THSD7B: variants seen among roughly 807,000 people sequenced by gnomAD.
THSD7B encodes the protein thrombospondin type-1 domain-containing protein 7B.
A neutral mutation model predicts 213.6 loss-of-function variants in THSD7B; 138 were observed. The ratio of observed to expected loss-of-function variants is 0.65; its 90% CI spans 0.56 to 0.74. The LOEUF is 0.74. Ranked by LOEUF, THSD7B falls within the 30% of genes least tolerant of loss-of-function variation. The pLI is 0.00. For missense variants in THSD7B, 1,931 were observed against 1,991.5 expected (o/e 0.97, Z 0.58); for synonymous variants, 742 against 687.0 (o/e 1.08, Z -1.25).
chr2:137,143,902 T>C (rs2104967177), intron 5 of THSD7B, among the ~76,000 whole-genome samples: 1 of 152,258 alleles, frequency 6.6e-6, no homozygotes, highest in African/African-American at 2.4e-5. Context: ...GATTTGTACA[T>C]ATTTCTGATG....
At chr2:137,421,658 T>C (rs1365077697) in intron 14 of THSD7B, among the ~76,000 whole-genome samples, 1 of 152,180 alleles carries the variant, frequency 6.6e-6, no homozygotes, top group Non-Finnish European at 1.5e-5. Flanking sequence ...GAAGTCAGCA[T>C]TCCTTCCACA....
At chr2:137,366,404 A>AG (rs1164950886) in intron 12 of THSD7B, among the ~76,000 whole-genome samples, 1 of 152,080 alleles carries the variant, frequency 6.6e-6, no homozygotes, top group East Asian at 1.9e-4. Context: ...AAAAAAAAAA[A>AG]GAATTTTAAG....
chr2:137,577,368 G>T (rs1681485727), intron 17 of THSD7B, among the ~76,000 whole-genome samples: 1 of 151,994 alleles, frequency 6.6e-6, no homozygotes, highest in Admixed American at 6.6e-5. Context: ...TCAAGTTTTT[G>T]ATATTTAATA....
At chr2:137,295,042 A>AT (rs989831693) in intron 12 of THSD7B, among the ~76,000 whole-genome samples, 4 of 151,918 alleles carry the variant, frequency 2.6e-5, no homozygotes, top group African/African-American at 7.3e-5. Context: ...TTCATGTTTC[A>AT]TTTTTTTCTC....
chr2:137,056,563 C>T lies in THSD7B; in HGVS notation c.283C>T (p.Arg95Ter), dbSNP rs559433755. The change falls in exon 3 of 28, where the codon CGA becomes TGA. Residue 95 changes from arginine to a stop codon, truncating the protein, a stop_gained. Coordinates refer to ENST00000409968, the MANE Select transcript of THSD7B (RefSeq NM_001316349.2). LOFTEE classifies it high-confidence loss of function. ...GCCTCCAAAGGAAAGAAGTTGTTTCCGAGTTTGTGACTGGCACAGTGACCT... is the reference window on the plus strand; with the variant it reads ...GCCTCCAAAGGAAAGAAGTTGTTTCTGAGTTTGTGACTGGCACAGTGACCT... ...NRPPKERSCF[R>*]VCDWHSDLFQ... 1.9e-6 allele frequency: 3 copies of T among 1,613,834 alleles called. No individual in the cohort carries two copies. The highest frequency in any genetic ancestry group is 1.3e-5 in the African/African-American group (1 of 74,990).
intron 17 of THSD7B, among the ~76,000 whole-genome samples, chr2:137,610,621 A>G (rs1207080816): frequency 1.3e-5 from 2 of 152,156 alleles, no homozygotes; most frequent in Admixed American, 6.6e-5. Flanking sequence ...TGACTCAGAC[A>G]CTAGCTTTTG....
intron 17 of THSD7B, among the ~76,000 whole-genome samples, chr2:137,588,185 G>T (rs894973220): frequency 2.6e-5 from 4 of 152,168 alleles, no homozygotes; most frequent in Non-Finnish European, 4.4e-5. Context: ...CATTGAAAAA[G>T]TGCAATATTA....
intron 1 of THSD7B, among the ~76,000 whole-genome samples, chr2:136,873,632 C>A (rs930051395): frequency 3.9e-5 from 6 of 152,150 alleles, no homozygotes; most frequent in Admixed American, 3.9e-4. Flanking sequence ...TGCTGCAGGG[C>A]AGGATTGCAT....
intron 2 of THSD7B, among the ~76,000 whole-genome samples, chr2:136,954,637 A>G (rs1685093590): frequency 7.0e-6 from 1 of 142,558 alleles, no homozygotes; most frequent in Non-Finnish European, 1.5e-5. Context: ...AATGGTGTGA[A>G]CCCCGGGGAG....
chr2:136,903,970 GTGTTTGTT>G (rs70975725), intron 2 of THSD7B, among the ~76,000 whole-genome samples: 2,998 of 38,214 alleles, frequency 0.078, 79 homozygotes, highest in Middle Eastern at 0.13. Context: ...GTGTGTGTGT[GTGTTTGTT>G]TGTTTCTGAG....
intron 12 of THSD7B, among the ~76,000 whole-genome samples, chr2:137,340,514 A>G (rs144530681): frequency 9.7e-4 from 147 of 151,948 alleles, no homozygotes; most frequent in African/African-American, 3.1e-3. Flanking sequence ...TGCTGTGCAA[A>G]AGGTCTGAAA....
intron 2 of THSD7B, among the ~76,000 whole-genome samples, chr2:137,040,029 T>C (rs1386619698): frequency 1.3e-5 from 2 of 152,176 alleles, no homozygotes; most frequent in Non-Finnish European, 2.9e-5. Context: ...GGCTTTCAGA[T>C]CACTGACAAA....
chr2:137,084,687 G>C (rs977381981), intron 3 of THSD7B, among the ~76,000 whole-genome samples: 6 of 152,126 alleles, frequency 3.9e-5, no homozygotes, highest in Non-Finnish European at 8.8e-5. Flanking sequence ...ACATATTCTA[G>C]ATGGTGAATC....
In THSD7B at chr2:137,584,045, G is replaced by A. The variant is rs533900086; in HGVS notation, c.3423+11489G>A. 2.6e-5 allele frequency among the ~76,000 whole-genome samples: 4 copies of A among 152,182 alleles called. No homozygotes were observed. The South Asian group carries it at 8.3e-4, about 32-fold the overall frequency. On this transcript the variant is annotated intron_variant, in intron 17 of 27. Coordinates refer to ENST00000409968, the MANE Select transcript of THSD7B (RefSeq NM_001316349.2). ...GTGGTTTGTAGTTCTCCTTGAAGAGGTCCTTCACATCCCTTGTAAATTGGA... is the reference window on the plus strand; with the variant it reads ...GTGGTTTGTAGTTCTCCTTGAAGAGATCCTTCACATCCCTTGTAAATTGGA...
At chr2:136,939,261 T>A (rs191775462) in intron 2 of THSD7B, among the ~76,000 whole-genome samples, 1 of 152,314 alleles carries the variant, frequency 6.6e-6, no homozygotes, top group African/African-American at 2.4e-5. Context: ...ATTGCGCTCC[T>A]ATTGCTACCA....
intron 1 of THSD7B, among the ~76,000 whole-genome samples, chr2:136,817,560 C>A (rs1199135560): frequency 1.2e-4 from 18 of 150,118 alleles, no homozygotes; most frequent in African/African-American, 4.2e-4. Context: ...GGAAGGGATC[C>A]AGTTTCAGCT....
chr2:136,906,645 A>G (rs1684166190), intron 2 of THSD7B: 1 of 152,184 alleles, frequency 6.6e-6, no homozygotes, highest in Non-Finnish European at 1.5e-5. Context: ...CTTTTCCAGA[A>G]TCCTTCACTG....
chr2:137,102,243 A>C (rs1050095626), intron 4 of THSD7B, among the ~76,000 whole-genome samples: 3 of 152,114 alleles, frequency 2.0e-5, no homozygotes, highest in African/African-American at 7.3e-5. Context: ...ATACCCAGGC[A>C]AACAGAGCCT....
chr2:137,610,828 T>A (rs1026698300), intron 17 of THSD7B, among the ~76,000 whole-genome samples: 4 of 152,016 alleles, frequency 2.6e-5, no homozygotes, highest in African/African-American at 7.2e-5. Context: ...CTTAATTTGA[T>A]AATTGTATTG....
Sources: gnomAD v4.1 joint callset for allele counts (sites outside exome capture counted in the v4.1 genomes callset) on GRCh38, gnomAD v4.1.1 for gene constraint, MANE v1.5 for transcripts, NCBI Gene and HGNC (gene_info 2026-07-23, HGNC 2026-07-21) for gene names.